The following AMZ1 variants were observed in gnomAD, a reference collection of about 807,000 sequenced individuals.
The protein encoded by AMZ1 is archaemetzincin-1.
AMZ1 carries 39 observed loss-of-function variants against 29.9 expected under a neutral mutation model. The ratio of observed to expected loss-of-function variants is 1.30; its 90% CI spans 1.01 to 1.70. The LOEUF (loss-of-function observed/expected upper bound fraction) is 1.70, where lower values mean the gene tolerates loss of function less well. Among genes scored for constraint, AMZ1 ranks in the 40% most tolerant of loss-of-function variants. The pLI is 0.00. For missense variants in AMZ1, 1,041 were observed against 680.6 expected (o/e 1.53, Z -5.89); for synonymous variants, 458 against 304.0 (o/e 1.51, Z -5.27).
chr7:2,763,037 G>C, upstream of AMZ1: 1 of 1,252,702 alleles, frequency 8.0e-7, no homozygotes, highest in Non-Finnish European at 1.0e-6. Flanking sequence ...CCAGGACTCA[G>C]CGTGCCGTTC....
chr7:2,737,473 G>C (rs1361063031), intron 4 of AMZ1, among the ~76,000 whole-genome samples: 1 of 151,838 alleles, frequency 6.6e-6, no homozygotes, highest in African/African-American at 2.4e-5. Context: ...ATTTTTAGTA[G>C]AGACGGGGTT....
chr7:2,748,015 C>T (rs1790851499), intron 4 of AMZ1, among the ~76,000 whole-genome samples: 1 of 150,386 alleles, frequency 6.6e-6, no homozygotes, highest in Non-Finnish European at 1.5e-5. Context: ...AAAGAGGATA[C>T]AAACAAATGG....
chr7:2,750,029 T>A (rs1790953098), intron 4 of AMZ1, among the ~76,000 whole-genome samples: 1 of 152,110 alleles, frequency 6.6e-6, no homozygotes, highest in African/African-American at 2.4e-5. Flanking sequence ...AGACATAAAT[T>A]TACAGATTTC....
At chr7:2,708,858 C>A in intron 4 of AMZ1, 142 bp downstream of exon 4, 1 of 1,374,902 alleles carries the variant, frequency 7.3e-7, no homozygotes, top group Non-Finnish European at 9.9e-7. Context: ...AATAGATGGC[C>A]CCTTCCAGCT....
chr7:2,683,584 C>G (rs562222252), upstream of AMZ1, among the ~76,000 whole-genome samples: 30 of 152,228 alleles, frequency 2.0e-4, 1 homozygote, highest in East Asian at 5.6e-3. Flanking sequence ...ACTACAGGTG[C>G]CTGCCACCAC....
rs1789907335 is a variant in AMZ1 at position 2,731,724 on chromosome 7, G to A, written n.550+21908G>A. ...CCTTGGTGGCTTTCCTAGCCAGCAGGATATCTTGCTTACTAGGAAAGTAAT... is the reference window on the plus strand; with the variant it reads ...CCTTGGTGGCTTTCCTAGCCAGCAGAATATCTTGCTTACTAGGAAAGTAAT... On this transcript the variant is annotated intron_variant and non_coding_transcript_variant, in intron 4 of 4. Coordinates refer to the AMZ1 transcript ENST00000489665. The surrounding 1 kb of genome is among the most constrained non-coding windows in gnomAD (Gnocchi z 6.0). The A allele has an allele frequency of 1.3e-6, 2 of 1,554,040 alleles. No homozygotes were observed. The highest frequency in any genetic ancestry group is 1.2e-5 in the South Asian group (1 of 83,734).
chr7:2,701,339 GCT>G (rs1788041291), intron 2 of AMZ1, among the ~76,000 whole-genome samples: 1 of 152,232 alleles, frequency 6.6e-6, no homozygotes, highest in Admixed American at 6.5e-5. Context: ...GACTGGCAGA[GCT>G]GGTCACTGGT....
upstream of AMZ1, chr7:2,762,273 G>T (rs542288512): frequency 2.1e-5 from 5 of 234,094 alleles, no homozygotes; most frequent in Admixed American, 1.7e-4. Context: ...GGTCGTCACA[G>T]AAGGTGCACA....
Position 2,714,757 on chromosome 7 carries a change from C to T in AMZ1, c.*1879C>T, listed in dbSNP as rs567991920. 2.0e-5 allele frequency: 3 copies of T among 152,338 alleles called. No homozygotes were observed. In the South Asian group the frequency reaches 6.2e-4, roughly 32 times the overall value. The allele number at this position is 152,338 out of a possible 1,614,324, so 9.4% of individuals were successfully genotyped here. The stretch of plus-strand genomic sequence containing the variant: ...TGCCAAGTGGAATTTGGCTGGGAAT[C>T]TCAGGCCTTGGTTCCTGCCCACGTG... On this transcript the variant is annotated 3_prime_UTR_variant, in exon 7 of 7. Coordinates refer to ENST00000683327, the MANE Select transcript of AMZ1 (RefSeq NM_001384743.1).
intron 6 of AMZ1, among the ~76,000 whole-genome samples, chr7:2,711,353 A>C (rs1562374747): frequency 6.6e-6 from 1 of 152,210 alleles, no homozygotes; most frequent in African/African-American, 2.4e-5. Flanking sequence ...CCTCTTGAAG[A>C]AAGCCTGACT....
chr7:2,696,724 A>G (rs1236545492), intron 1 of AMZ1, among the ~76,000 whole-genome samples: 3 of 151,828 alleles, frequency 2.0e-5, no homozygotes, highest in Admixed American at 6.5e-5. Context: ...TGTCTCCACT[A>G]AAAATACAAA....
At chr7:2,684,298 G>A (rs922709363), upstream of AMZ1, among the ~76,000 whole-genome samples, 5 of 152,170 alleles carry the variant, frequency 3.3e-5, no homozygotes, top group African/African-American at 4.8e-5. Context: ...GACCCAGGAT[G>A]ACCTCATCTT....
At chr7:2,762,413 G>C (rs1041742021), upstream of AMZ1, 2 of 478,484 alleles carry the variant, frequency 4.2e-6, no homozygotes, top group Non-Finnish European at 7.4e-6. Context: ...CCAAAGCTTA[G>C]ACGTTAACTT....
intron 1 of AMZ1, among the ~76,000 whole-genome samples, chr7:2,696,256 C>CA (rs1352695862): frequency 2.9e-5 from 3 of 104,602 alleles, no homozygotes; most frequent in African/African-American, 1.1e-4. Context: ...TCTTGATAGT[C>CA]ATTTTTTTTT....
upstream of AMZ1, among the ~76,000 whole-genome samples, chr7:2,684,862 C>CA (rs1361506952): frequency 6.7e-6 from 1 of 149,052 alleles, no homozygotes; most frequent in Non-Finnish European, 1.5e-5. Flanking sequence ...CTGGGCTTGA[C>CA]ACATAATTGC....
In AMZ1 at chr7:2,731,771, C is replaced by A; in HGVS notation, n.550+21955C>A. ...TAATTCTGTAAAATACAGGATGAGG[C>A]AGAAATTTAGGGGGAGGAAGAAAGA... On this transcript the variant is annotated intron_variant and non_coding_transcript_variant, in intron 4 of 4. Transcript: ENST00000489665. The surrounding 1 kb of genome is among the most constrained non-coding windows in gnomAD (Gnocchi z 6.0). 3 of 1,298,252 alleles carry A rather than the reference C, an allele frequency of 2.3e-6. No homozygotes were observed. The highest frequency in any genetic ancestry group is 1.9e-5 in the South Asian group (1 of 53,622). 80.4% of individuals were successfully genotyped at this position (1,298,252 alleles called of 1,614,324 possible). A position where few individuals can be genotyped will look rare whatever the true frequency, so the allele number is the denominator to read the frequency against.
At chr7:2,734,173 G>T (rs1026298343) in intron 4 of AMZ1, among the ~76,000 whole-genome samples, 4 of 152,146 alleles carry the variant, frequency 2.6e-5, no homozygotes, top group South Asian at 2.1e-4. Context: ...AATCACCCAG[G>T]ACCCCGTTTC....
intron 4 of AMZ1, among the ~76,000 whole-genome samples, chr7:2,739,951 G>T (rs899928042): frequency 6.6e-6 from 1 of 152,194 alleles, no homozygotes; most frequent in Non-Finnish European, 1.5e-5. Context: ...GGGATTACAG[G>T]TGTGAGTCAC....
At position 2,712,749 on chromosome 7, in the gene AMZ1, C is replaced by T. The variant is rs148177744; in HGVS notation, c.1368C>T (p.Ser456=). The part of the protein sequence containing the change: ...QLPATRQDPP[S]SRDSVGLRKV... ...CGGCCACCAGGCAGGACCCACCCAG[C>T]AGCAGGGACAGCGTGGGGCTGCGCA... The change falls in exon 7 of 7, where the codon AGC becomes AGT. Residue 456 remains serine (S), a synonymous_variant. Coordinates refer to ENST00000683327, the MANE Select transcript of AMZ1 (RefSeq NM_001384743.1). The T allele has an allele frequency of 6.2e-7, 1 of 1,603,254 alleles. No homozygotes were observed. Among genetic ancestry groups the T allele is most frequent in the Middle Eastern group, 1.7e-4 (1 of 6,018 alleles).
Sources: gnomAD v4.1 joint callset for allele counts (sites outside exome capture counted in the v4.1 genomes callset) on GRCh38, gnomAD v4.1.1 for gene constraint, Gnocchi (gnomAD v3.1) non-coding constraint, MANE v1.5 for transcripts, NCBI Gene and HGNC (gene_info 2026-07-23, HGNC 2026-07-21) for gene names.